The following ZNF81 variants were observed in gnomAD, a reference collection of about 807,000 sequenced individuals.
ZNF81 encodes the protein zinc finger protein 81 (HFZ20).
ZNF81 carries 5 observed loss-of-function variants against 32.3 expected under a neutral mutation model. That is an observed-to-expected ratio of 0.15 (90% CI 0.08 to 0.33). ZNF81 has a LOEUF of 0.33. Among genes scored for constraint, ZNF81 ranks in the 10% least tolerant of loss-of-function variants. The pLI is 1.00. For synonymous variants in ZNF81, 163 were observed against 166.8 expected, an observed-to-expected ratio of 0.98 and a Z score of 0.17; for missense variants, 379 against 479.8, an observed-to-expected ratio of 0.79 and a Z score of 1.96.
intron 2 of ZNF81, among the ~76,000 whole-genome samples, chrX:47,867,260 A>G (rs1480893667): frequency 8.9e-6 from 1 of 112,003 alleles, no homozygotes; most frequent in Non-Finnish European, 1.9e-5. Context: ...AACTTAAAAT[A>G]AAAACATTCT....
At chrX:47,913,317 A>G (rs1309796075) in intron 4 of ZNF81, among the ~76,000 whole-genome samples, 1 of 111,358 alleles carries the variant, frequency 9.0e-6, no homozygotes, top group African/African-American at 3.3e-5. Flanking sequence ...GTTTGAGACC[A>G]GCCTGGGCAA....
intron 1 of ZNF81, chrX:47,841,839 C>T (rs2058450852): frequency 1.1e-5 from 4 of 361,137 alleles, no homozygotes; most frequent in Non-Finnish European, 1.9e-5. Flanking sequence ...TTGATTTCTG[C>T]TCTTGTATTT....
intron 2 of ZNF81, among the ~76,000 whole-genome samples, chrX:47,881,120 A>T (rs1379370411): frequency 8.9e-6 from 1 of 112,150 alleles, no homozygotes; most frequent in Non-Finnish European, 1.9e-5. Flanking sequence ...GGACTGAAGG[A>T]AACAAAAAGA....
intron 2 of ZNF81, among the ~76,000 whole-genome samples, chrX:47,868,546 A>G (rs1173439858): frequency 9.0e-6 from 1 of 111,253 alleles, no homozygotes; most frequent in African/African-American, 3.3e-5. Flanking sequence ...TCAATTCTAT[A>G]CTGTTTTCCA....
intron 4 of ZNF81, among the ~76,000 whole-genome samples, chrX:47,903,164 C>T (rs1384880941): frequency 1.8e-5 from 2 of 110,166 alleles, no homozygotes; most frequent in South Asian, 7.8e-4. Context: ...CAGGGATGCC[C>T]TCTCTCACCA....
At position 47,895,832 on chromosome X, in the gene ZNF81, G is replaced by T; in HGVS notation, c.182-13G>T. 1 of 1,182,475 alleles carries T rather than the reference G, an allele frequency of 8.5e-7. No individual in the cohort carries two copies. Among genetic ancestry groups the T allele is most frequent in the Non-Finnish European group, 1.1e-6 (1 of 869,583 alleles). On this transcript the variant is annotated splice_polypyrimidine_tract_variant and intron_variant, in intron 3 of 4. Transcript: ENST00000338637. Reference sequence around the variant, plus strand: ...TTTGCTGGACCCAATTCTCTATCGTGTCCTGTTAACAGGGTTCGAAGTTCC... The same window carrying T: ...TTTGCTGGACCCAATTCTCTATCGTTTCCTGTTAACAGGGTTCGAAGTTCC...
intron 2 of ZNF81, among the ~76,000 whole-genome samples, chrX:47,862,474 G>A (rs2058544649): frequency 9.5e-6 from 1 of 105,115 alleles, no homozygotes; most frequent in Non-Finnish European, 1.9e-5. Context: ...AGTGAGCCGA[G>A]ATCATGCCAT....
rs370103906 is a variant in ZNF81, at chrX:47,901,287, T to A, written c.277+5347T>A. The stretch of plus-strand genomic sequence containing the variant: ...CATTTTGCTTATTAATTCTAGTGGG[T>A]CTTTTTGTGAATAAATACCATAAAA... On this transcript the variant is annotated intron_variant, in intron 4 of 4. Coordinates refer to ENST00000338637, the MANE Select transcript of ZNF81 (RefSeq NM_007137.5). 1.1e-3 allele frequency among the ~76,000 whole-genome samples: 123 copies of A among 112,008 alleles called. 2 individuals carry two copies. In the South Asian group the frequency reaches 0.045, roughly 41 times the overall value.
In ZNF81 at chrX:47,916,547, G is replaced by C. The variant is rs782005494; in HGVS notation, c.1901G>C (p.Gly634Ala). ...AATAAACATCAGACAATTCATACTG[G>C]AGATAAACCGTATAAATGCAGCGAC... ...NFNKHQTIHT[G>A]DKPYKCSDCG... is the part of the protein sequence containing the mutation. Residue 634 changes from glycine (G) to alanine (A), a missense_variant, in exon 5 of 5, where the codon GGA becomes GCA. Gly to Ala is a moderately conservative substitution (Grantham distance 60). This residue lies in a region of ZNF81 where 102 missense variants were observed against 173.2 expected (regional missense o/e 0.59). Transcript: ENST00000338637. 2 of 1,205,296 alleles carry C rather than the reference G, an allele frequency of 1.7e-6. No individual in the cohort carries two copies. Among genetic ancestry groups the C allele is most frequent in the South Asian group, 3.6e-5 (2 of 55,653 alleles).
chrX:47,897,168 C>T (rs946887034), intron 4 of ZNF81, among the ~76,000 whole-genome samples: 1 of 112,358 alleles, frequency 8.9e-6, no homozygotes, highest in South Asian at 3.6e-4. Flanking sequence ...TCCAAATTGG[C>T]TGTACCACTT....
chrX:47,877,943 G>A (rs2058606315), intron 2 of ZNF81, among the ~76,000 whole-genome samples: 1 of 111,423 alleles, frequency 9.0e-6, no homozygotes, highest in Admixed American at 9.5e-5. Flanking sequence ...TTCGTCTCAG[G>A]CAGCTTACCA....
rs1394546389 is a variant in ZNF81 at position 47,916,383 on chromosome X, G to T, written c.1737G>T (p.Glu579Asp). The change falls in exon 5 of 5, where the codon GAG (glutamate) becomes GAT (aspartate). Residue 579 changes from glutamate to aspartate, a missense_variant. This residue lies in a region of ZNF81 where 102 missense variants were observed against 173.2 expected (regional missense o/e 0.59). Coordinates refer to ENST00000338637, the MANE Select transcript of ZNF81 (RefSeq NM_007137.5). ...LITHQRIHTT[E>D]KPYKCPDCEK... ...CACATCAGAGAATTCATACTACAGA[G>T]AAGCCTTATAAATGTCCTGACTGTG... is the stretch of plus-strand genomic sequence containing the variant. The T allele has an allele frequency of 1.7e-6, 2 of 1,211,576 alleles. No homozygotes were observed. Among genetic ancestry groups the T allele is most frequent in the East Asian group, 5.9e-5 (2 of 33,835 alleles).
chrX:47,892,275 C>G (rs2058665332), intron 3 of ZNF81, among the ~76,000 whole-genome samples: 1 of 111,426 alleles, frequency 9.0e-6, no homozygotes, highest in Non-Finnish European at 1.9e-5. Context: ...ACCCCAGGAT[C>G]CAACTACCCC....
intron 2 of ZNF81, among the ~76,000 whole-genome samples, chrX:47,851,553 C>T (rs1373243477): frequency 2.0e-4 from 22 of 111,894 alleles, no homozygotes; most frequent in African/African-American, 6.8e-4. Flanking sequence ...TTTTCTGAGA[C>T]ATTTTAAAAT....
At position 47,915,355 on chromosome X, in the gene ZNF81, G is replaced by A. The variant is rs189912680; in HGVS notation, c.709G>A (p.Glu237Lys). The A allele has an allele frequency of 4.9e-5, 59 of 1,209,969 alleles. No homozygotes were observed. In the Admixed American group the frequency reaches 9.8e-4, roughly 20 times the overall value. ...CCAGAACTCTTCTTATAGTCACCAC[G>A]AAAATACACATACAGGAGTGAAGTT... is the stretch of plus-strand genomic sequence containing the variant. Reference protein sequence around the residue: ...FTQNSSYSHHENTHTGVKFCE... With the variant: ...FTQNSSYSHHKNTHTGVKFCE... Residue 237 changes from glutamate (E) to lysine (K), a missense_variant, in exon 5 of 5, where the codon GAA (glutamate) becomes AAA (lysine). Glu to Lys is a moderately conservative substitution (Grantham distance 56). Around this residue, in one of 2 missense-constraint regions of ZNF81, gnomAD observed 277 missense variants for 306.6 expected, o/e 0.90. Coordinates refer to ENST00000338637, the MANE Select transcript of ZNF81 (RefSeq NM_007137.5).
At chrX:47,898,350 C>T (rs781899328) in intron 4 of ZNF81, among the ~76,000 whole-genome samples, 3 of 111,013 alleles carry the variant, frequency 2.7e-5, no homozygotes, top group African/African-American at 9.8e-5. Flanking sequence ...AATTAGCTAT[C>T]ACTGGGAGTG....
chrX:47,845,965 A>G (rs1440697038), intron 1 of ZNF81, 140 bp from the exon 2 acceptor site: 1 of 328,887 alleles, frequency 3.0e-6, no homozygotes, highest in Non-Finnish European at 5.4e-6. Flanking sequence ...TTCTATTTTA[A>G]TTGATAAGCA....
At chrX:47,860,565 C>A (rs1556882443) in intron 2 of ZNF81, among the ~76,000 whole-genome samples, 1 of 110,495 alleles carries the variant, frequency 9.1e-6, no homozygotes, top group Non-Finnish European at 1.9e-5. Flanking sequence ...GATCATCATG[C>A]CTATGTGATG....
At chrX:47,908,475 C>T (rs2058728304) in intron 4 of ZNF81, among the ~76,000 whole-genome samples, 1 of 111,928 alleles carries the variant, frequency 8.9e-6, no homozygotes, top group South Asian at 3.7e-4. Context: ...GGAAGATAGG[C>T]ATTACCTACT....
Sources: gnomAD v4.1 joint callset for allele counts (sites outside exome capture counted in the v4.1 genomes callset) on GRCh38, gnomAD v4.1.1 for gene constraint, gnomAD v4.1.1 regional missense constraint, MANE v1.5 for transcripts, NCBI Gene and HGNC (gene_info 2026-07-23, HGNC 2026-07-21) for gene names.